GREB1: variants seen among roughly 807,000 people sequenced by gnomAD.
GREB1 encodes growth regulating estrogen receptor binding 1.
In GREB1, 106 loss-of-function variants were observed where a neutral mutation model predicts 200.7. The observed-to-expected ratio is 0.53, with a 90% CI of 0.45 to 0.62. The LOEUF is 0.62. GREB1 is among the 20% of genes least tolerant of loss of function. The pLI, the probability that GREB1 is intolerant of heterozygous loss-of-function variation, is 0.00. For missense variants in GREB1, 2,243 were observed against 2,556.8 expected, an observed-to-expected ratio of 0.88 and a Z score of 2.65; for synonymous variants, 1,132 against 1,092.4, an observed-to-expected ratio of 1.04 and a Z score of -0.72.
At chr2:11,599,654 G>A (rs1312477292) in intron 15 of GREB1, among the ~76,000 whole-genome samples, 3 of 151,800 alleles carry the variant, frequency 2.0e-5, no homozygotes, top group Non-Finnish European at 4.4e-5. Flanking sequence ...CTGAGTAGCT[G>A]GGACTACAGG....
At chr2:11,627,389 A>C (rs768622194) in intron 25 of GREB1, among the ~76,000 whole-genome samples, 92 of 152,220 alleles carry the variant, frequency 6.0e-4, no homozygotes, top group Non-Finnish European at 5.0e-4. Context: ...AGTCCAATGC[A>C]ACAGATGCTC....
intron 3 of GREB1, among the ~76,000 whole-genome samples, chr2:11,564,566 A>G (rs1002082482): frequency 6.6e-6 from 1 of 152,234 alleles, no homozygotes; most frequent in Non-Finnish European, 1.5e-5. Flanking sequence ...AGATTTTCAC[A>G]TAATTTCCAA....
At chr2:11,624,994 C>G (rs529806998) in intron 23 of GREB1, among the ~76,000 whole-genome samples, 160 bp from the exon 24 acceptor site, 2 of 152,142 alleles carry the variant, frequency 1.3e-5, no homozygotes, top group Non-Finnish European at 2.9e-5. Context: ...CAGGCTGTGC[C>G]GTGTAGGTGT....
chr2:11,540,987 C>A (rs1674693686), intron 1 of GREB1, among the ~76,000 whole-genome samples: 1 of 152,170 alleles, frequency 6.6e-6, no homozygotes, highest in African/African-American at 2.4e-5. Context: ...CACCATGCTT[C>A]TGTGTTGGCT....
chr2:11,587,664 T>C (rs1375525377), intron 9 of GREB1: 45 of 1,370,296 alleles, frequency 3.3e-5, no homozygotes, highest in South Asian at 6.2e-5. Flanking sequence ...ATATTTTTGG[T>C]GACTAAATGG....
intron 1 of GREB1, among the ~76,000 whole-genome samples, chr2:11,485,573 G>A (rs1378751301): frequency 3.9e-5 from 6 of 152,072 alleles, no homozygotes; most frequent in Non-Finnish European, 8.8e-5. Context: ...TGCACTAGTC[G>A]GGAAGCTACA....
Position 11,618,622 on chromosome 2 carries a change from G to A in GREB1, c.3747G>A (p.Leu1249=), listed in dbSNP as rs756712223. Residue 1249 remains leucine, a synonymous_variant, in exon 22 of 33, where the codon TTG becomes TTA. Coordinates refer to ENST00000381486, the MANE Select transcript of GREB1 (RefSeq NM_014668.4). ...TCCTGCAGGCCTCCCAGTGCTCCTT[G>A]ACCAAGGCCTGCCGCCAGCCACCCA... is the stretch of plus-strand genomic sequence containing the variant. ...TWVLQASQCS[L]TKACRQPPIV... 1 of 1,613,308 alleles carries A rather than the reference G, an allele frequency of 6.2e-7. No homozygotes were observed. The highest frequency in any genetic ancestry group is 1.1e-5 in the South Asian group (1 of 91,046).
In GREB1 at chr2:11,493,395, G is replaced by A. The variant is rs150222634; in HGVS notation, c.-159+11014G>A. ...CGTGCAACCTGGATCCCTTGTAGGC[G>A]CAGTTCACAATAGGGTTTGAGCTCC... On this transcript the variant is annotated intron_variant, in intron 1 of 2. Transcript: ENST00000628795. This position sits in a 1 kb window ranked among gnomAD's most constrained non-coding sequence, Gnocchi z 4.6. 5.9e-5 allele frequency among the ~76,000 whole-genome samples: 9 copies of A among 152,210 alleles called. No homozygotes were observed. In the East Asian group the frequency reaches 1.5e-3, roughly 26 times the overall value.
intron 1 of GREB1, among the ~76,000 whole-genome samples, chr2:11,551,881 CT>C (rs1391191314): frequency 6.6e-6 from 1 of 152,230 alleles, no homozygotes; most frequent in African/African-American, 2.4e-5. Flanking sequence ...GATTTCTCCC[CT>C]CTTTTAAGTT....
chr2:11,535,153 A>T (rs62118290), intron 1 of GREB1, among the ~76,000 whole-genome samples: 4,334 of 151,994 alleles, frequency 0.029, 99 homozygotes, highest in East Asian at 0.12. Flanking sequence ...TTCACAGAAG[A>T]CCCCTGGTCC....
At chr2:11,539,156 G>A (rs1227454750) in intron 1 of GREB1, among the ~76,000 whole-genome samples, 3 of 151,108 alleles carry the variant, frequency 2.0e-5, no homozygotes, top group Non-Finnish European at 2.9e-5. Flanking sequence ...GGGCTCAAGC[G>A]ATCCTCCCAC....
intron 17 of GREB1, among the ~76,000 whole-genome samples, chr2:11,607,524 A>G (rs1368862355): frequency 1.9e-5 from 2 of 103,766 alleles, no homozygotes; most frequent in East Asian, 7.7e-4. Context: ...ACATACATAT[A>G]TATACACATA....
Position 11,597,697 on chromosome 2 carries a change from A to G in GREB1, c.1955-84A>G, listed in dbSNP as rs978537894. ...GTGAATGGGGCCGTCTCCCCTGGAC[A>G]GGTCTCACTGATTCTCTGGCCAAGG... On this transcript the variant is annotated intron_variant, in intron 13 of 32. Transcript: ENST00000381486. The surrounding 1 kb of genome is among the most constrained non-coding windows in gnomAD (Gnocchi z 4.1). The G allele has an allele frequency of 1.2e-5, 14 of 1,189,692 alleles. No homozygotes were observed. The highest frequency in any genetic ancestry group is 3.0e-5 in the African/African-American group (2 of 66,750). 73.7% of individuals were successfully genotyped at this position (1,189,692 alleles called of 1,614,324 possible).
intron 4 of GREB1, among the ~76,000 whole-genome samples, chr2:11,575,344 C>T (rs1293181343): frequency 6.6e-6 from 1 of 152,228 alleles, no homozygotes; most frequent in Non-Finnish European, 1.5e-5. Flanking sequence ...CCAGTCTTCA[C>T]ATTTCTCATC....
At chr2:11,601,342 A>G (rs1056350488) in intron 16 of GREB1, among the ~76,000 whole-genome samples, 1 of 152,226 alleles carries the variant, frequency 6.6e-6, no homozygotes, top group Non-Finnish European at 1.5e-5. Context: ...GGCTCCATAC[A>G]GAGCAACGCT....
Position 11,618,879 on chromosome 2 carries a change from G to A in GREB1, c.4004G>A (p.Gly1335Asp). The A allele has an allele frequency of 5.1e-6, 8 of 1,567,038 alleles. No homozygotes were observed. Among genetic ancestry groups the A allele is most frequent in the Non-Finnish European group, 5.2e-6 (6 of 1,161,806 alleles). The change falls in exon 22 of 33, where the codon GGC becomes GAC. Residue 1335 changes from glycine to aspartate, a missense_variant. This residue lies in a region of GREB1 where 587 missense variants were observed against 553.1 expected (regional missense o/e 1.06). Coordinates refer to ENST00000381486, the MANE Select transcript of GREB1 (RefSeq NM_014668.4). ...AACCGGGCCGAGGGCCGCGTGGACG[G>A]CTTCCACCCCCGCAGGCTGCTGCTC... is the stretch of plus-strand genomic sequence containing the variant. ...YGNRAEGRVD[G>D]FHPRRLLLSG...
At chr2:11,583,343 A>G (rs2148098681) in intron 7 of GREB1, among the ~76,000 whole-genome samples, 2 of 152,312 alleles carry the variant, frequency 1.3e-5, no homozygotes, top group Admixed American at 1.3e-4. Flanking sequence ...TGCAGAGTCT[A>G]AGGCCTCATC....
chr2:11,500,936 GAGAA>G (rs1171188319), intron 1 of GREB1, among the ~76,000 whole-genome samples: 6 of 152,186 alleles, frequency 3.9e-5, no homozygotes, highest in Non-Finnish European at 7.3e-5. Context: ...AATGAGATAT[GAGAA>G]AGGTTAGCAG....
intron 9 of GREB1, chr2:11,588,410 C>T (rs967942227): frequency 2.6e-5 from 14 of 546,036 alleles, no homozygotes; most frequent in Non-Finnish European, 4.0e-5. Context: ...CAAGGTGTCC[C>T]ATTGGTGGTG....
Sources: gnomAD v4.1 joint callset for allele counts (sites outside exome capture counted in the v4.1 genomes callset) on GRCh38, gnomAD v4.1.1 for gene constraint, gnomAD v4.1.1 regional missense constraint, Gnocchi (gnomAD v3.1) non-coding constraint, MANE v1.5 for transcripts, NCBI Gene and HGNC (gene_info 2026-07-23, HGNC 2026-07-21) for gene names.